The following MTHFD2L variants were observed in gnomAD, a reference collection of about 807,000 sequenced individuals.
MTHFD2L encodes methylenetetrahydrofolate dehydrogenase (NADP+ dependent) 2 like.
Under a neutral mutation model 34.9 loss-of-function variants are expected in MTHFD2L, and 29 were observed. The ratio of observed to expected loss-of-function variants is 0.83; its 90% CI spans 0.62 to 1.13. MTHFD2L has a LOEUF of 1.13. Ranked by LOEUF, MTHFD2L falls within the 50% of genes most tolerant of loss-of-function variation. The pLI is 0.00. For synonymous variants in MTHFD2L, 167 were observed against 155.7 expected, an observed-to-expected ratio of 1.07 and a Z score of -0.54; for missense variants, 481 against 446.5, an observed-to-expected ratio of 1.08 and a Z score of -0.70.
In MTHFD2L at chr4:74,267,969, C is replaced by G. The variant is rs75353911; in HGVS notation, c.806-13456C>G. On this transcript the variant is annotated intron_variant, in intron 6 of 7. Coordinates refer to ENST00000325278, the MANE Select transcript of MTHFD2L (RefSeq NM_001144978.3). ...ATCCTGGTACCACAAGGAATAGAAG[C>G]TTTGGGGGCATTCAGATATTGTCCT... is the stretch of plus-strand genomic sequence containing the variant. The G allele has an allele frequency of 1.0e-3, 1,012 of 985,248 alleles. 12 individuals are homozygous for G. The African/African-American group carries it at 0.015, about 15-fold the overall frequency. 61.0% of individuals were successfully genotyped at this position (985,248 alleles called of 1,614,324 possible). A position where few individuals can be genotyped will look rare whatever the true frequency, so the allele number is the denominator to read the frequency against.
intron 3 of MTHFD2L, among the ~76,000 whole-genome samples, chr4:74,179,450 A>G (rs760215969): frequency 1.4e-4 from 21 of 152,104 alleles, no homozygotes; most frequent in Admixed American, 7.2e-4. Flanking sequence ...GATTAAAGAC[A>G]TATTAAATAT....
chr4:74,115,206 A>AT (rs1721637713), intron 2 of MTHFD2L, among the ~76,000 whole-genome samples: 1 of 152,186 alleles, frequency 6.6e-6, no homozygotes, highest in African/African-American at 2.4e-5. Context: ...TACTCTAATT[A>AT]TTTTTTGACC....
At chr4:74,232,141 A>C (rs1203062735) in intron 6 of MTHFD2L, among the ~76,000 whole-genome samples, 1 of 152,228 alleles carries the variant, frequency 6.6e-6, no homozygotes, top group Non-Finnish European at 1.5e-5. Flanking sequence ...TTTTGATACT[A>C]ATACAGTATC....
At chr4:74,273,055 T>G (rs1434299835) in intron 6 of MTHFD2L, among the ~76,000 whole-genome samples, 1 of 152,156 alleles carries the variant, frequency 6.6e-6, no homozygotes, top group Admixed American at 6.6e-5. Context: ...TTTATCCAGT[T>G]CTTTTGTATC....
chr4:74,232,055 A>G (rs919825282), intron 6 of MTHFD2L, among the ~76,000 whole-genome samples: 1 of 152,202 alleles, frequency 6.6e-6, no homozygotes, highest in Non-Finnish European at 1.5e-5. Flanking sequence ...GAATATTTAA[A>G]CAATTTAGAA....
chr4:74,220,237 C>T lies in MTHFD2L; in HGVS notation c.713-5065C>T, dbSNP rs568429641. 2.0e-5 allele frequency among the ~76,000 whole-genome samples: 3 copies of T among 151,784 alleles called. No homozygotes were observed. The South Asian group carries it at 6.2e-4, about 32-fold the overall frequency. On this transcript the variant is annotated intron_variant, in intron 5 of 7. Transcript: ENST00000325278. Reference sequence around the variant, plus strand: ...GGTGGGTGCTTTATAATTTTGATAACCTTGGGATGGTTATAAATATATACT... The same window carrying T: ...GGTGGGTGCTTTATAATTTTGATAATCTTGGGATGGTTATAAATATATACT...
rs112943918 is a variant in MTHFD2L, at chr4:74,277,805, A to ATTTGTTTG, written c.806-3596_806-3589dup. Among the ~76,000 whole-genome samples the ATTTGTTTG allele has an allele frequency of 7.9e-3, 1,196 of 151,384 alleles. 11 individuals are homozygous for ATTTGTTTG. The highest frequency in any genetic ancestry group is 0.027 in the African/African-American group (1,115 of 41,096). On this transcript the variant is annotated intron_variant, in intron 6 of 7. Coordinates refer to ENST00000325278, the MANE Select transcript of MTHFD2L (RefSeq NM_001144978.3). Reference sequence around the variant, plus strand: ...TCTCGTTTTGTTTTTAGGTGTATGCATTTGTTTGTTTGTTTGTTTGTTTGT... The same window carrying ATTTGTTTG: ...TCTCGTTTTGTTTTTAGGTGTATGCATTTGTTTGTTTGTTTGTTTGTTTGTTTGTTTGT...
upstream of MTHFD2L, among the ~76,000 whole-genome samples, chr4:74,124,662 T>A (rs935026441): frequency 3.3e-5 from 5 of 152,054 alleles, no homozygotes; most frequent in African/African-American, 1.2e-4. Context: ...TTAAAGGGTA[T>A]CTAGCAGAGT....
chr4:74,133,885 C>G (rs2109812773), intron 1 of MTHFD2L, among the ~76,000 whole-genome samples: 1 of 152,218 alleles, frequency 6.6e-6, no homozygotes, highest in Admixed American at 6.5e-5. Flanking sequence ...GCAGCAAGAT[C>G]TTCACCAGCA....
At chr4:74,230,591 G>GAAAA in intron 6 of MTHFD2L, among the ~76,000 whole-genome samples, 1 of 128,986 alleles carries the variant, frequency 7.8e-6, no homozygotes, top group African/African-American at 2.9e-5. Context: ...CTCTGTCTCA[G>GAAAA]AAAAAAAAAA....
At chr4:74,227,344 C>G (rs1477232239) in intron 6 of MTHFD2L, among the ~76,000 whole-genome samples, 2 of 151,880 alleles carry the variant, frequency 1.3e-5, no homozygotes, top group Non-Finnish European at 2.9e-5. Flanking sequence ...TTTCTAATCT[C>G]TAAGAGCTGC....
intron 1 of MTHFD2L, among the ~76,000 whole-genome samples, chr4:74,150,560 GTAT>G (rs2109856556): frequency 1.3e-5 from 2 of 152,224 alleles, no homozygotes; most frequent in South Asian, 4.1e-4. Flanking sequence ...GGCCAAGTTT[GTAT>G]TATTTAAACC....
intron 2 of MTHFD2L, among the ~76,000 whole-genome samples, chr4:74,115,582 C>T (rs1055745328): frequency 6.6e-6 from 1 of 152,230 alleles, no homozygotes; most frequent in South Asian, 2.1e-4. Flanking sequence ...TATGAACATG[C>T]CTTCATGGGC....
At chr4:74,169,791 A>G (rs1375621551) in intron 1 of MTHFD2L, among the ~76,000 whole-genome samples, 2 of 152,228 alleles carry the variant, frequency 1.3e-5, no homozygotes, top group Non-Finnish European at 2.9e-5. Flanking sequence ...CCAGAAATTC[A>G]TAGGAAACAG....
intron 6 of MTHFD2L, among the ~76,000 whole-genome samples, chr4:74,240,251 A>G (rs1741502882): frequency 6.6e-6 from 1 of 152,232 alleles, no homozygotes. Flanking sequence ...AAACATAAGT[A>G]AATTTCTACA....
intron 1 of MTHFD2L, among the ~76,000 whole-genome samples, chr4:74,145,769 C>T (rs1302034255): frequency 6.6e-5 from 10 of 152,038 alleles, no homozygotes; most frequent in Admixed American, 1.3e-4. Flanking sequence ...AGCACCATCC[C>T]CCACTTAGTA....
chr4:74,247,520 T>A (rs374719583), intron 6 of MTHFD2L, among the ~76,000 whole-genome samples: 42 of 152,152 alleles, frequency 2.8e-4, no homozygotes, highest in African/African-American at 8.7e-4. Context: ...CACTATGTTG[T>A]ATAGGAGTGG....
upstream of MTHFD2L, among the ~76,000 whole-genome samples, chr4:74,155,831 A>G (rs1356402443): frequency 6.6e-6 from 1 of 151,888 alleles, no homozygotes; most frequent in Non-Finnish European, 1.5e-5. Flanking sequence ...AGGATGATGT[A>G]CATATTTCTT....
chr4:74,235,067 C>G (rs1009572952), intron 6 of MTHFD2L, among the ~76,000 whole-genome samples: 1 of 152,028 alleles, frequency 6.6e-6, no homozygotes, highest in Non-Finnish European at 1.5e-5. Flanking sequence ...TGACAGGTGC[C>G]TGTCTGTGAG....
Sources: gnomAD v4.1 joint callset for allele counts (sites outside exome capture counted in the v4.1 genomes callset) on GRCh38, gnomAD v4.1.1 for gene constraint, MANE v1.5 for transcripts, NCBI Gene and HGNC (gene_info 2026-07-23, HGNC 2026-07-21) for gene names.